Variants in FGFR1 observed in about 807,000 individuals in gnomAD.
FGFR1 encodes the protein fibroblast growth factor receptor 1.
In FGFR1, 18 loss-of-function variants were observed where a neutral mutation model predicts 93.7. The observed-to-expected ratio is 0.19, with a 90% CI of 0.13 to 0.28. FGFR1 has a LOEUF of 0.28. FGFR1 is among the 10% of genes least tolerant of loss of function. The pLI, the probability that FGFR1 is intolerant of heterozygous loss-of-function variation, is 1.00. For missense variants in FGFR1, 731 were observed against 1,080.4 expected (o/e 0.68, Z 4.53); for synonymous variants, 448 against 429.3 (o/e 1.04, Z -0.54).
Position 38,411,430 on chromosome 8 carries a change from T to C in FGFR1, c.*2198A>G. On this transcript the variant is annotated 3_prime_UTR_variant, in exon 18 of 18. Coordinates refer to ENST00000447712, the MANE Select transcript of FGFR1 (RefSeq NM_023110.3). ...GAGCTAAAAATTCATTTCCTAGTTC[T>C]GTTCACCAAATGATGCCTTCTTTAA... 4.5e-6 allele frequency: 1 copy of C among 224,386 alleles called. No homozygotes were observed. The highest frequency in any genetic ancestry group is 8.9e-6 in the Non-Finnish European group (1 of 112,484). 13.9% of individuals were successfully genotyped at this position (224,386 alleles called of 1,614,324 possible). A position where few individuals can be genotyped will look rare whatever the true frequency, so the allele number is the denominator to read the frequency against.
intron 2 of FGFR1, among the ~76,000 whole-genome samples, chr8:38,450,971 A>C (rs983335147): frequency 1.3e-5 from 2 of 152,066 alleles, no homozygotes; most frequent in African/African-American, 4.8e-5. Context: ...AGCTCTGAAC[A>C]CTTGCAAACA....
intron 2 of FGFR1, among the ~76,000 whole-genome samples, chr8:38,445,333 T>C (rs1364205492): frequency 2.0e-5 from 3 of 152,322 alleles, no homozygotes; most frequent in South Asian, 4.1e-4. Flanking sequence ...CTCCAGAATC[T>C]AAGGCTGGCA....
At chr8:38,440,862 G>A (rs978767753) in intron 2 of FGFR1, among the ~76,000 whole-genome samples, 2 of 152,198 alleles carry the variant, frequency 1.3e-5, no homozygotes, top group Admixed American at 6.5e-5. Context: ...GAAAGGCCGA[G>A]CACACAGGCC....
intron 2 of FGFR1, among the ~76,000 whole-genome samples, chr8:38,441,499 A>G (rs562727522): frequency 8.8e-4 from 134 of 152,332 alleles, no homozygotes; most frequent in African/African-American, 3.0e-3. Context: ...TTACTGATAC[A>G]TTAAGGACAG....
chr8:38,419,042 C>T (rs753344922), intron 9 of FGFR1, among the ~76,000 whole-genome samples: 1 of 152,178 alleles, frequency 6.6e-6, no homozygotes. Context: ...TCTCGTCTGC[C>T]GCCATGTGAG....
At chr8:38,419,374 C>G (rs1298188670) in intron 9 of FGFR1, among the ~76,000 whole-genome samples, 159 bp downstream of exon 9, 1 of 152,210 alleles carries the variant, frequency 6.6e-6, no homozygotes, top group Non-Finnish European at 1.5e-5. Context: ...TAGCTTGAAA[C>G]AGACTCTAGA....
chr8:38,462,620 CTTTT>C (rs1454847995), intron 1 of FGFR1, among the ~76,000 whole-genome samples: 2 of 151,852 alleles, frequency 1.3e-5, no homozygotes, highest in African/African-American at 4.8e-5. Context: ...TTCTTCCTTT[CTTTT>C]TTTCTTTGAG....
rs943283905 is a variant in FGFR1, at chr8:38,425,830, C to T, written c.745+292G>A. 1.1e-5 allele frequency: 5 copies of T among 455,928 alleles called. No homozygotes were observed. In the Admixed American group the frequency reaches 1.7e-4, roughly 15 times the overall value. 28.2% of individuals were successfully genotyped at this position (455,928 alleles called of 1,614,324 possible). A position where few individuals can be genotyped will look rare whatever the true frequency, so the allele number is the denominator to read the frequency against. On this transcript the variant is annotated intron_variant, in intron 6 of 17. Coordinates refer to ENST00000447712, the MANE Select transcript of FGFR1 (RefSeq NM_023110.3). ...GCATTAAGCGACAGCTCCTATTACG[C>T]TACATTTAACACCTCTCCAACAACG...
rs771811718 is a variant in FGFR1 at position 38,419,735 on chromosome 8, G to A, written c.1082C>T (p.Ala361Val). The A allele has an allele frequency of 6.2e-7, 1 of 1,613,986 alleles. No homozygotes were observed. Residue 361 changes from alanine (A) to valine (V), a missense_variant and splice_region_variant, in exon 9 of 18, where the codon GCC becomes GTC. Ala to Val is a moderately conservative substitution (Grantham distance 64, BLOSUM62 0). Transcript: ENST00000447712. Reference sequence around the variant, plus strand: ...CATCACTGCCGGCCTCTCTTCCAGGGCTGAGTCAGTGCGAACAGGGTGTTA... The same window carrying A: ...CATCACTGCCGGCCTCTCTTCCAGGACTGAGTCAGTGCGAACAGGGTGTTA... ...HHSAWLTVLE[A>V]LEERPAVMTS...
In FGFR1 at chr8:38,421,888, A is replaced by G; in HGVS notation, c.990T>C (p.Asn330=). 6.2e-7 allele frequency: 1 copy of G among 1,614,166 alleles called. No individual in the cohort carries two copies. Among genetic ancestry groups the G allele is most frequent in the Non-Finnish European group, 8.5e-7 (1 of 1,180,024 alleles). The change falls in exon 8 of 18, where the codon AAT becomes AAC. Residue 330 remains asparagine, a synonymous_variant. Coordinates refer to ENST00000447712, the MANE Select transcript of FGFR1 (RefSeq NM_023110.3). ...ACTCCCCTGCGTCCTCAAAGGAGAC[A>G]TTTCTTAAGTGAAGCACCTCCATCT... The part of the protein sequence containing the change: ...DKEMEVLHLR[N]VSFEDAGEYT...
Position 38,413,823 on chromosome 8 carries a change from A to T in FGFR1, c.2293-19T>A, listed in dbSNP as rs1483465288. The stretch of plus-strand genomic sequence containing the variant: ...GGTACTCCTGTGATGGGCGAGAGGA[A>T]GCAGCGATGGGCCGGGCCCCTCCTC... On this transcript the variant is annotated intron_variant, in intron 17 of 17. Coordinates refer to ENST00000447712, the MANE Select transcript of FGFR1 (RefSeq NM_023110.3). The surrounding 1 kb of genome is among the most constrained non-coding windows in gnomAD (Gnocchi z 4.2). 6.2e-7 allele frequency: 1 copy of T among 1,613,890 alleles called. No homozygotes were observed. Among genetic ancestry groups the T allele is most frequent in the Non-Finnish European group, 8.5e-7 (1 of 1,179,868 alleles).
At chr8:38,442,362 G>GGTGTGTGTGTGT (rs56889687) in intron 2 of FGFR1, among the ~76,000 whole-genome samples, 19,996 of 145,918 alleles carry the variant, frequency 0.14, 1,499 homozygotes, top group Middle Eastern at 0.17. Flanking sequence ...TTGTTAAAGT[G>GGTGTGTGTGTGT]GTGTGTGTGT....
At chr8:38,452,666 G>C (rs1286239646) in intron 2 of FGFR1, among the ~76,000 whole-genome samples, 4 of 151,156 alleles carry the variant, frequency 2.6e-5, no homozygotes, top group Non-Finnish European at 5.9e-5. Context: ...CTCGCCCTAT[G>C]ATTTTTTTTT....
intron 1 of FGFR1, 26 bp downstream of exon 1, chr8:38,467,955 A>C (rs1258264381): frequency 4.6e-6 from 1 of 216,540 alleles, no homozygotes; most frequent in African/African-American, 2.3e-5. Context: ...AGCCCGCCCC[A>C]GATCCGGGGG....
At chr8:38,428,220 G>A in intron 4 of FGFR1, 126 bp downstream of exon 4, 13 of 1,481,192 alleles carry the variant, frequency 8.8e-6, no homozygotes, top group Non-Finnish European at 1.2e-5. Context: ...AGCAGTGCCT[G>A]GCACTTAGCA....
intron 2 of FGFR1, among the ~76,000 whole-genome samples, chr8:38,454,627 C>T (rs1832173602): frequency 6.6e-6 from 1 of 152,202 alleles, no homozygotes; most frequent in Non-Finnish European, 1.5e-5. Context: ...CTCAAAATAA[C>T]CTGCGACCTC....
At chr8:38,418,804 C>T (rs760374115) in intron 9 of FGFR1, 12 of 246,776 alleles carry the variant, frequency 4.9e-5, no homozygotes, top group South Asian at 2.3e-4. Context: ...CATTTCCTCC[C>T]GTGGGGAAGG....
At position 38,439,972 on chromosome 8, in the gene FGFR1, A is replaced by G. The variant is rs1341000020; in HGVS notation, c.92-10024T>C. On this transcript the variant is annotated intron_variant, in intron 2 of 17. Transcript: ENST00000447712. Reference sequence around the variant, plus strand: ...TTAGGGCTTGGATAACTGGCCCCCAACAAAATCCAGGCATCCTCCATGAGC... The same window carrying G: ...TTAGGGCTTGGATAACTGGCCCCCAGCAAAATCCAGGCATCCTCCATGAGC... Among the ~76,000 whole-genome samples the G allele has an allele frequency of 2.0e-5, 3 of 152,212 alleles. No homozygotes were observed. The East Asian group carries it at 5.8e-4, about 29-fold the overall frequency.
rs1821934515 is a variant in FGFR1, at chr8:38,429,281, A to G, written c.358+401T>C. 1 of 521,034 alleles carries G rather than the reference A, an allele frequency of 1.9e-6. No homozygotes were observed. The highest frequency in any genetic ancestry group is 3.8e-6 in the Non-Finnish European group (1 of 264,548). The allele number at this position is 521,034 out of a possible 1,614,324, so 32.3% of individuals were successfully genotyped here. On this transcript the variant is annotated intron_variant, in intron 3 of 17. Transcript: ENST00000447712. This position sits in a 1 kb window ranked among gnomAD's most constrained non-coding sequence, Gnocchi z 4.4. ...TCTCCAGCAGAGCAGGGATACCACCACCTGTTCAGGGCCTCTAATCACTAA... is the reference window on the plus strand; with the variant it reads ...TCTCCAGCAGAGCAGGGATACCACCGCCTGTTCAGGGCCTCTAATCACTAA...
Sources: gnomAD v4.1 joint callset for allele counts (sites outside exome capture counted in the v4.1 genomes callset) on GRCh38, gnomAD v4.1.1 for gene constraint, Gnocchi (gnomAD v3.1) non-coding constraint, MANE v1.5 for transcripts, NCBI Gene and HGNC (gene_info 2026-07-23, HGNC 2026-07-21) for gene names.